The following RASGRF2 variants were observed in gnomAD, a reference collection of about 807,000 sequenced individuals.
RASGRF2 encodes the protein Ras protein specific guanine nucleotide releasing factor 2, also known as ras-specific guanine nucleotide-releasing factor 2.
Under a neutral mutation model 151.0 loss-of-function variants are expected in RASGRF2, and 76 were observed. The ratio of observed to expected loss-of-function variants is 0.50; its 90% CI spans 0.42 to 0.61. The LOEUF is 0.61. Ranked by LOEUF, RASGRF2 falls within the 20% of genes least tolerant of loss-of-function variation. The pLI, the probability that RASGRF2 is intolerant of heterozygous loss-of-function variation, is 0.00. For synonymous variants in RASGRF2, 504 were observed against 566.5 expected (o/e 0.89, Z 1.57); for missense variants, 1,148 against 1,564.6 (o/e 0.73, Z 4.49).
chr5:81,144,835 A>C (rs951094145), intron 17 of RASGRF2, among the ~76,000 whole-genome samples: 1 of 152,208 alleles, frequency 6.6e-6, no homozygotes, highest in Non-Finnish European at 1.5e-5. Context: ...CACAGGGAGT[A>C]AGTAGCAGAT....
At chr5:81,070,637 A>C in intron 4 of RASGRF2, 56 bp downstream of exon 4, 2 of 1,471,498 alleles carry the variant, frequency 1.4e-6, no homozygotes, top group Non-Finnish European at 1.9e-6. Flanking sequence ...CGTCTGTTCT[A>C]TGGTGGTGTC....
At chr5:81,179,596 GATCT>G (rs1754865323) in intron 17 of RASGRF2, among the ~76,000 whole-genome samples, 1 of 152,204 alleles carries the variant, frequency 6.6e-6, no homozygotes, top group African/African-American at 2.4e-5. Context: ...CGAACTAACA[GATCT>G]ATCACCTGGC....
chr5:81,205,244 G>C (rs1437098872), intron 19 of RASGRF2, among the ~76,000 whole-genome samples: 1 of 152,226 alleles, frequency 6.6e-6, no homozygotes, highest in African/African-American at 2.4e-5. Context: ...AGACAGCCGA[G>C]GGAAGGGAGT....
At chr5:81,160,682 A>AAATAATAAT (rs531513005) in intron 17 of RASGRF2, among the ~76,000 whole-genome samples, 13,795 of 138,356 alleles carry the variant, frequency 0.1, 765 homozygotes, top group Admixed American at 0.11. Flanking sequence ...TCTGTCTCAA[A>AAATAATAAT]AATAATAATA....
intron 1 of RASGRF2, among the ~76,000 whole-genome samples, chr5:80,973,263 G>A (rs868777693): frequency 1.3e-5 from 2 of 152,086 alleles, no homozygotes; most frequent in Non-Finnish European, 2.9e-5. Context: ...AGTAGGTTGC[G>A]GTTGCCACCC....
At chr5:81,130,034 C>T (rs1753573331) in intron 17 of RASGRF2, among the ~76,000 whole-genome samples, 1 of 152,170 alleles carries the variant, frequency 6.6e-6, no homozygotes, top group South Asian at 2.1e-4. Flanking sequence ...GAAAAAGTAA[C>T]CAAAACGGCC....
intron 1 of RASGRF2, among the ~76,000 whole-genome samples, chr5:81,027,077 A>G (rs1228212456): frequency 6.6e-6 from 1 of 152,218 alleles, no homozygotes; most frequent in Non-Finnish European, 1.5e-5. Flanking sequence ...ATTTTAAAGT[A>G]TACAATCCAG....
At chr5:81,042,739 T>C in intron 1 of RASGRF2, 138 bp from the exon 2 acceptor site, 1 of 607,436 alleles carries the variant, frequency 1.6e-6, no homozygotes, top group Non-Finnish European at 2.9e-6. Context: ...CAGAGTGAAA[T>C]GTTACATTTT....
At chr5:81,003,347 T>A (rs185757363) in intron 1 of RASGRF2, among the ~76,000 whole-genome samples, 41 of 151,324 alleles carry the variant, frequency 2.7e-4, no homozygotes, top group African/African-American at 9.4e-4. Context: ...CTCAGCCTCC[T>A]GAGTAGCTGG....
intron 1 of RASGRF2, among the ~76,000 whole-genome samples, chr5:80,985,110 G>C (rs1156255373): frequency 6.6e-6 from 1 of 152,144 alleles, no homozygotes; most frequent in African/African-American, 2.4e-5. Context: ...TACTTGGGAG[G>C]CTGAGGTGAG....
chr5:81,029,161 T>A (rs914047191), intron 1 of RASGRF2, among the ~76,000 whole-genome samples: 1 of 152,178 alleles, frequency 6.6e-6, no homozygotes, highest in Non-Finnish European at 1.5e-5. Flanking sequence ...AAGCTCTAAC[T>A]GGGTGGAGCC....
chr5:81,036,147 T>A (rs1750484543), intron 1 of RASGRF2, among the ~76,000 whole-genome samples: 1 of 151,842 alleles, frequency 6.6e-6, no homozygotes, highest in Admixed American at 6.6e-5. Context: ...GAGGCAAATG[T>A]TTTTCATTTT....
intron 26 of RASGRF2, among the ~76,000 whole-genome samples, chr5:81,222,458 C>T (rs1755875930): frequency 6.6e-6 from 1 of 152,216 alleles, no homozygotes; most frequent in Non-Finnish European, 1.5e-5. Flanking sequence ...GCACAGTTTA[C>T]TTGTACACAG....
At chr5:81,093,472 C>T (rs1281283363) in intron 10 of RASGRF2, among the ~76,000 whole-genome samples, 2 of 152,142 alleles carry the variant, frequency 1.3e-5, no homozygotes, top group African/African-American at 4.8e-5. Flanking sequence ...AGTACAGCAG[C>T]GTGATCATAG....
chr5:81,111,448 G>A (rs368342229), intron 13 of RASGRF2, among the ~76,000 whole-genome samples: 149 of 152,256 alleles, frequency 9.8e-4, no homozygotes, highest in African/African-American at 3.0e-3. Context: ...GGCAGTGGTA[G>A]GTGCTATTCA....
At chr5:81,005,793 T>G (rs1376078012) in intron 1 of RASGRF2, among the ~76,000 whole-genome samples, 1 of 152,202 alleles carries the variant, frequency 6.6e-6, no homozygotes, top group Non-Finnish European at 1.5e-5. Flanking sequence ...CTTTTTTTCC[T>G]TTCTATCTGG....
intron 1 of RASGRF2, among the ~76,000 whole-genome samples, chr5:81,024,269 T>A (rs1258809330): frequency 1.4e-5 from 2 of 146,176 alleles, no homozygotes; most frequent in Non-Finnish European, 3.0e-5. Context: ...TTTTTTTTTT[T>A]TTTTTTTGAG....
intron 17 of RASGRF2, among the ~76,000 whole-genome samples, chr5:81,169,780 GC>G (rs1189688740): frequency 6.6e-6 from 1 of 151,832 alleles, no homozygotes; most frequent in Non-Finnish European, 1.5e-5. Context: ...TACAGCCACA[GC>G]CTTTGCCCAA....
chr5:81,084,447 A>G (rs935547044), intron 7 of RASGRF2, among the ~76,000 whole-genome samples: 1 of 152,018 alleles, frequency 6.6e-6, no homozygotes, highest in Admixed American at 6.6e-5. Context: ...GGAGCAGAAA[A>G]TCTCCTCCAT....
Sources: allele counts gnomAD v4.1 joint callset (sites outside exome capture counted in the v4.1 genomes callset), GRCh38; gene constraint gnomAD v4.1.1; transcripts MANE v1.5; gene names NCBI Gene and HGNC (gene_info 2026-07-23, HGNC 2026-07-21).